SOS1: variants seen among roughly 807,000 people sequenced by gnomAD.
The protein encoded by SOS1 is SOS Ras/Rac guanine nucleotide exchange factor 1, also known as son of sevenless homolog 1.
Under a neutral mutation model 157.6 loss-of-function variants are expected in SOS1, and 25 were observed. The observed-to-expected ratio is 0.16, with a 90% CI of 0.12 to 0.22. The LOEUF (loss-of-function observed/expected upper bound fraction) is 0.22, where lower values mean the gene tolerates loss of function less well. Ranked by LOEUF, SOS1 falls within the 10% of genes least tolerant of loss-of-function variation. The pLI, the probability that SOS1 is intolerant of heterozygous loss-of-function variation, is 1.00. For synonymous variants in SOS1, 528 were observed against 534.0 expected (o/e 0.99, Z 0.16); for missense variants, 1,237 against 1,599.1 (o/e 0.77, Z 3.86).
At chr2:39,098,627 C>T (rs1245976879) in intron 1 of SOS1, among the ~76,000 whole-genome samples, 2 of 152,184 alleles carry the variant, frequency 1.3e-5, no homozygotes, top group Non-Finnish European at 2.9e-5. Flanking sequence ...CGGTGGCTCA[C>T]GCCTGTAATC....
intron 1 of SOS1, among the ~76,000 whole-genome samples, chr2:39,091,412 G>A (rs192170590): frequency 3.4e-4 from 52 of 152,148 alleles, no homozygotes; most frequent in African/African-American, 1.3e-3. Flanking sequence ...TTTCACCTGT[G>A]AATCCAAATG....
At chr2:39,062,365 C>T (rs552128306) in intron 2 of SOS1, among the ~76,000 whole-genome samples, 1 of 148,364 alleles carries the variant, frequency 6.7e-6, no homozygotes, top group South Asian at 2.1e-4. Context: ...TTGCAGTGAG[C>T]TGAGATCACA....
At chr2:39,024,202 A>T in intron 8 of SOS1, 65 bp from the exon 9 acceptor site, 1 of 1,274,942 alleles carries the variant, frequency 7.8e-7, no homozygotes, top group Non-Finnish European at 1.1e-6. Context: ...TAATAAACTC[A>T]TTTAAGGATA....
In SOS1 at chr2:38,985,011, G is replaced by C. The variant is rs1668510309; in HGVS notation, c.*813C>G. The C allele has an allele frequency of 6.6e-6, 1 of 152,122 alleles. No homozygotes were observed. Among genetic ancestry groups the C allele is most frequent in the Non-Finnish European group, 1.5e-5 (1 of 68,030 alleles). The allele number at this position is 152,122 out of a possible 1,614,324, so 9.4% of individuals were successfully genotyped here. Reference sequence around the variant, plus strand: ...GAGAAGGAGGGAAAATGACAATCTAGCATAGATGAACAGTCTCCTAAATGC... The same window carrying C: ...GAGAAGGAGGGAAAATGACAATCTACCATAGATGAACAGTCTCCTAAATGC... On this transcript the variant is annotated 3_prime_UTR_variant, in exon 23 of 23. Coordinates refer to ENST00000402219, the MANE Select transcript of SOS1 (RefSeq NM_005633.4).
chr2:39,066,772 C>T (rs148402973), intron 2 of SOS1, among the ~76,000 whole-genome samples: 73 of 152,246 alleles, frequency 4.8e-4, no homozygotes, highest in Middle Eastern at 3.4e-3. Flanking sequence ...GGAAATAATT[C>T]ACTTACCACC....
intron 1 of SOS1, among the ~76,000 whole-genome samples, chr2:39,104,434 T>C (rs1172462057): frequency 3.3e-5 from 5 of 151,996 alleles, no homozygotes; most frequent in Non-Finnish European, 7.4e-5. Context: ...CCAACTAAGA[T>C]GGGATAAGAA....
intron 1 of SOS1, among the ~76,000 whole-genome samples, chr2:39,107,955 C>CT (rs1673264408): frequency 6.6e-6 from 1 of 152,140 alleles, no homozygotes; most frequent in Non-Finnish European, 1.5e-5. Context: ...GCTTGGATAT[C>CT]TGCCAAAGAG....
At chr2:39,071,438 C>CTACA (rs1671790163) in intron 1 of SOS1, among the ~76,000 whole-genome samples, 1 of 152,124 alleles carries the variant, frequency 6.6e-6, no homozygotes, top group Admixed American at 6.5e-5. Context: ...ATAAATACAA[C>CTACA]TACAGTCCTA....
At chr2:38,987,110 A>G (rs1256536955) in intron 22 of SOS1, among the ~76,000 whole-genome samples, 3 of 152,224 alleles carry the variant, frequency 2.0e-5, no homozygotes, top group Admixed American at 6.5e-5. Context: ...AAATTTTAGC[A>G]TATGTCAAAA....
At chr2:39,095,299 A>T (rs1367240629) in intron 1 of SOS1, among the ~76,000 whole-genome samples, 2 of 152,216 alleles carry the variant, frequency 1.3e-5, no homozygotes, top group African/African-American at 4.8e-5. Context: ...ACTCCTGAGA[A>T]TATCTAGAGA....
At chr2:39,105,294 T>C (rs1426449957) in intron 1 of SOS1, among the ~76,000 whole-genome samples, 1 of 152,044 alleles carries the variant, frequency 6.6e-6, no homozygotes, top group Non-Finnish European at 1.5e-5. Flanking sequence ...TGAACTATTT[T>C]TTTTTTTTTT....
intron 10 of SOS1, among the ~76,000 whole-genome samples, chr2:39,018,397 C>T (rs1669697363): frequency 6.6e-6 from 1 of 151,802 alleles, no homozygotes; most frequent in African/African-American, 2.4e-5. Flanking sequence ...ACCATGTTCA[C>T]TAGTTGCTCT....
chr2:39,062,106 T>C (rs1056920031), intron 2 of SOS1, among the ~76,000 whole-genome samples: 1 of 151,994 alleles, frequency 6.6e-6, no homozygotes, highest in Admixed American at 6.6e-5. Flanking sequence ...TAAATGTTAA[T>C]GGAAAGCTTA....
intron 1 of SOS1, among the ~76,000 whole-genome samples, chr2:39,088,760 T>C (rs569091658): frequency 6.6e-6 from 1 of 152,354 alleles, no homozygotes; most frequent in Admixed American, 6.5e-5. Flanking sequence ...CTTTTGGCTA[T>C]TGTGAAAAGT....
intron 1 of SOS1, among the ~76,000 whole-genome samples, chr2:39,081,752 G>C (rs1431968156): frequency 6.6e-6 from 1 of 151,892 alleles, no homozygotes; most frequent in East Asian, 1.9e-4. Flanking sequence ...TTGAACCCAG[G>C]AGGCAGAGGT....
At chr2:39,092,669 T>G (rs1050021648) in intron 1 of SOS1, among the ~76,000 whole-genome samples, 4 of 152,150 alleles carry the variant, frequency 2.6e-5, no homozygotes, top group African/African-American at 9.7e-5. Flanking sequence ...TGTTGGTGGG[T>G]TGAATGAATA....
intron 6 of SOS1, among the ~76,000 whole-genome samples, chr2:39,040,059 T>C (rs1478936089): frequency 6.6e-6 from 1 of 152,154 alleles, no homozygotes; most frequent in African/African-American, 2.4e-5. Context: ...TCGCCCAGGC[T>C]GGAGTGCAGT....
chr2:39,036,810 C>T (rs1670369623), intron 6 of SOS1, among the ~76,000 whole-genome samples: 1 of 151,844 alleles, frequency 6.6e-6, no homozygotes, highest in Non-Finnish European at 1.5e-5. Flanking sequence ...CTCCTGACCT[C>T]GTGATCCGCC....
chr2:39,049,912 C>CTT (rs1441265392), intron 6 of SOS1, among the ~76,000 whole-genome samples: 1 of 152,200 alleles, frequency 6.6e-6, no homozygotes, highest in Non-Finnish European at 1.5e-5. Flanking sequence ...AGCAAGAAAT[C>CTT]TTGCTCTGGC....
Sources: allele counts gnomAD v4.1 joint callset (sites outside exome capture counted in the v4.1 genomes callset), GRCh38; gene constraint gnomAD v4.1.1; transcripts MANE v1.5; gene names NCBI Gene and HGNC (gene_info 2026-07-23, HGNC 2026-07-21).